TRIM47: variants seen among roughly 807,000 people sequenced by gnomAD.
The protein encoded by TRIM47 is E3 ubiquitin-protein ligase TRIM47.
A neutral mutation model predicts 54.4 loss-of-function variants in TRIM47; 46 were observed. The ratio of observed to expected loss-of-function variants is 0.84; its 90% CI spans 0.67 to 1.08. The LOEUF (loss-of-function observed/expected upper bound fraction) is 1.08, where lower values mean the gene tolerates loss of function less well. TRIM47 is among the 50% of genes least tolerant of loss of function. The pLI is 0.00. For synonymous variants in TRIM47, 392 were observed against 410.2 expected, an observed-to-expected ratio of 0.96 and a Z score of 0.54; for missense variants, 825 against 910.1, an observed-to-expected ratio of 0.91 and a Z score of 1.20.
In TRIM47 at chr17:75,875,107, A is replaced by G. The variant is rs1256515468; in HGVS notation, c.1293T>C (p.Asp431=). The G allele has an allele frequency of 1.3e-6, 2 of 1,599,030 alleles. No homozygotes were observed. Residue 431 remains aspartate (D), a synonymous_variant, in exon 6 of 6, where the codon GAT becomes GAC. Coordinates refer to ENST00000254816, the MANE Select transcript of TRIM47 (RefSeq NM_033452.3). This position sits in a 1 kb window ranked among gnomAD's most constrained non-coding sequence, Gnocchi z 6.1. The part of the protein sequence containing the change: ...DYFLKFAYIV[D]LDSDTADKFL... The stretch of plus-strand genomic sequence containing the variant: ...ACTTGTCTGCTGTGTCGCTGTCCAA[A>G]TCCACAATATAGGCAACTGATCCCG...
At position 75,876,090 on chromosome 17, in the gene TRIM47, C is replaced by G. The variant is rs752319450; in HGVS notation, c.1012G>C (p.Ala338Pro). 6.2e-7 allele frequency: 1 copy of G among 1,600,744 alleles called. No homozygotes were observed. The highest frequency in any genetic ancestry group is 2.2e-5 in the East Asian group (1 of 44,870). The stretch of plus-strand genomic sequence containing the variant: ...CCATCCTCCAGGGCCAGCCTTAGTG[C>G]CAGCAGCTCCTGTGCCAGACAAATG... ...DSVSFLQELL[A>P]LRLALEDGCG... Residue 338 changes from alanine (A) to proline (P), a missense_variant, in exon 4 of 6, where the codon GCA (alanine) becomes CCA (proline). Transcript: ENST00000254816.
intron 1 of TRIM47, 23 bp from the exon 2 acceptor site, chr17:75,876,836 G>A (rs753167096): frequency 2.5e-6 from 4 of 1,611,658 alleles, no homozygotes; most frequent in Non-Finnish European, 2.5e-6. Flanking sequence ...CCCTCCATGA[G>A]TGTGAGGTCT....
chr17:75,876,404 C>A lies in TRIM47; in HGVS notation c.860G>T (p.Gly287Val). 1 of 1,612,260 alleles carries A rather than the reference C, an allele frequency of 6.2e-7. No individual in the cohort carries two copies. Among genetic ancestry groups the A allele is most frequent in the Non-Finnish European group, 8.5e-7 (1 of 1,180,002 alleles). Residue 287 changes from glycine (G) to valine (V), a missense_variant, in exon 3 of 6, where the codon GGC becomes GTC. By Grantham distance (109) the Gly-to-Val change is moderately radical. Transcript: ENST00000254816. ...ALQGFQTQVLGFIEEGEAAML... is the reference protein window; with the variant it reads ...ALQGFQTQVLVFIEEGEAAML... Reference sequence around the variant, plus strand: ...GGCAGCTTCCCCCTCCTCGATGAAGCCCAGCACCTGGGTCTGGAAGCCCTG... The same window carrying A: ...GGCAGCTTCCCCCTCCTCGATGAAGACCAGCACCTGGGTCTGGAAGCCCTG...
At position 75,875,058 on chromosome 17, in the gene TRIM47, CT is replaced by C. The variant is rs1567834544; in HGVS notation, c.1341del (p.Gly448ValfsTer122). 8.7e-6 allele frequency: 14 copies of C among 1,611,814 alleles called. No homozygotes were observed. Among genetic ancestry groups the C allele is most frequent in the Non-Finnish European group, 1.2e-5 (14 of 1,178,126 alleles). On this transcript the variant is annotated frameshift_variant, in exon 6 of 6. Transcript: ENST00000254816. LOFTEE classifies it high-confidence loss of function. The surrounding 1 kb of genome is among the most constrained non-coding windows in gnomAD (Gnocchi z 6.1). ...ATAGGACACAGCACCCTCTTGACAC[CT>C]TTGGTTCCAAACAGCTGCAGGAACT... ...ADKFLQLFGT[K>X]GVKRVLCPIN...
chr17:75,874,759 C>G lies in TRIM47; in HGVS notation c.1641G>C (p.Thr547=). Residue 547 remains threonine, a synonymous_variant, in exon 6 of 6, where the codon ACG becomes ACC. Transcript: ENST00000254816. The surrounding 1 kb of genome is among the most constrained non-coding windows in gnomAD (Gnocchi z 6.2). ...EAPLPHPFSP[T]VGVCLEYADR... is the part of the protein sequence containing the mutation. ...CAGCGTATTCCAGGCAGACCCCAAC[C>G]GTGGGCGAGAAGGGGTGGGGCAGGG... The G allele has an allele frequency of 6.2e-7, 1 of 1,614,014 alleles. No individual in the cohort carries two copies. The highest frequency in any genetic ancestry group is 1.1e-5 in the South Asian group (1 of 91,086).
chr17:75,875,213 A>G lies in TRIM47; in HGVS notation c.1277-90T>C. ...CCAAGTACCCACCCCCCCAAAACAC[A>G]GCCTCTCCCCTGCTTTCCAACCGGC... is the stretch of plus-strand genomic sequence containing the variant. On this transcript the variant is annotated intron_variant, in intron 5 of 5. Coordinates refer to ENST00000254816, the MANE Select transcript of TRIM47 (RefSeq NM_033452.3). The surrounding 1 kb of genome is among the most constrained non-coding windows in gnomAD (Gnocchi z 6.1). 2.3e-5 allele frequency: 31 copies of G among 1,328,526 alleles called. No homozygotes were observed. Among genetic ancestry groups the G allele is most frequent in the Non-Finnish European group, 3.1e-5 (31 of 1,008,258 alleles). 82.3% of individuals were successfully genotyped at this position (1,328,526 alleles called of 1,614,324 possible). A position where few individuals can be genotyped will look rare whatever the true frequency, so the allele number is the denominator to read the frequency against.
chr17:75,876,501 G>C lies in TRIM47; in HGVS notation c.772-9C>G, dbSNP rs2065135987. 6.3e-7 allele frequency: 1 copy of C among 1,588,810 alleles called. No individual in the cohort carries two copies. On this transcript the variant is annotated splice_polypyrimidine_tract_variant and intron_variant, in intron 2 of 5. Coordinates refer to ENST00000254816, the MANE Select transcript of TRIM47 (RefSeq NM_033452.3). ...TCTGCTACGGCTGCACTCTGCACAG[G>C]ACGACAGTAGAGGGGGCAATGAGGG...
Position 75,876,698 on chromosome 17 carries a change from C to G in TRIM47, c.771+20G>C. On this transcript the variant is annotated intron_variant, in intron 2 of 5. Transcript: ENST00000254816. ...TTTGTTTGGAGTGGATTGTTCCATG[C>G]TGAGGGAGGGGTGTTTGACCTTGAT... 6.2e-7 allele frequency: 1 copy of G among 1,613,508 alleles called. No homozygotes were observed. The highest frequency in any genetic ancestry group is 8.5e-7 in the Non-Finnish European group (1 of 1,179,490).
rs187334937 is a variant in TRIM47 at position 75,874,466 on chromosome 17, A to T, written c.*17T>A. On this transcript the variant is annotated 3_prime_UTR_variant, in exon 6 of 6. Transcript: ENST00000254816. This position sits in a 1 kb window ranked among gnomAD's most constrained non-coding sequence, Gnocchi z 6.2. ...TTCCTGGAGCAGAGACGGCAGCAGG[A>T]GCGCCCGTGCCCGGCATCACCTCCT... 2 of 1,488,572 alleles carry T rather than the reference A, an allele frequency of 1.3e-6. No individual in the cohort carries two copies. Among genetic ancestry groups the T allele is most frequent in the African/African-American group, 2.8e-5 (2 of 71,264 alleles). The allele number at this position is 1,488,572 out of a possible 1,614,324, so 92.2% of individuals were successfully genotyped here.
chr17:75,878,179 C>T lies in TRIM47; in HGVS notation c.370G>A (p.Glu124Lys). 1 of 1,229,226 alleles carries T rather than the reference C, an allele frequency of 8.1e-7. No homozygotes were observed. Among genetic ancestry groups the T allele is most frequent in the Non-Finnish European group, 1.0e-6 (1 of 986,664 alleles). 76.1% of individuals were successfully genotyped at this position (1,229,226 alleles called of 1,614,324 possible). ...CACGCGTCGCAGCGCACTGGCTCTTCGCCCGCGGGCCACGGCTCGGGAGCG... is the reference window on the plus strand; with the variant it reads ...CACGCGTCGCAGCGCACTGGCTCTTTGCCCGCGGGCCACGGCTCGGGAGCG... The part of the protein sequence containing the change: ...PCAPEPWPAG[E>K]EPVRCDACPE... The change falls in exon 1 of 6, where the codon GAA becomes AAA. Residue 124 changes from glutamate to lysine, a missense_variant. Physicochemically the swap from Glu to Lys is moderately conservative, Grantham distance 56 (BLOSUM62 1). Coordinates refer to ENST00000254816, the MANE Select transcript of TRIM47 (RefSeq NM_033452.3).
chr17:75,877,769 G>A (rs1368283404), intron 1 of TRIM47, 105 bp downstream of exon 1: 1 of 1,261,806 alleles, frequency 7.9e-7, no homozygotes, highest in African/African-American at 1.6e-5. Flanking sequence ...TAGAGGAGGA[G>A]ATTAAGACCC....
chr17:75,878,541 C>A lies in TRIM47; in HGVS notation c.8G>T (p.Gly3Val). ...GATGGGGCAGCTGAAGGGTCCACTGCCGTCCATGACTCCGCGGCCGCCCAG... is the reference window on the plus strand; with the variant it reads ...GATGGGGCAGCTGAAGGGTCCACTGACGTCCATGACTCCGCGGCCGCCCAG... MD[G>V]SGPFSCPICL... Residue 3 changes from glycine to valine, a missense_variant, in exon 1 of 6, where the codon GGC (glycine) becomes GTC (valine). By Grantham distance (109) the Gly-to-Val change is moderately radical (BLOSUM62 -3). Transcript: ENST00000254816. 7.8e-7 allele frequency: 1 copy of A among 1,287,304 alleles called. No homozygotes were observed. Among genetic ancestry groups the A allele is most frequent in the Admixed American group, 3.6e-5 (1 of 27,870 alleles). The allele number at this position is 1,287,304 out of a possible 1,614,324, so 79.7% of individuals were successfully genotyped here.
At position 75,878,462 on chromosome 17, in the gene TRIM47, A is replaced by G. The variant is rs1386523842; in HGVS notation, c.87T>C (p.Cys29=). 4.2e-6 allele frequency: 6 copies of G among 1,425,536 alleles called. No individual in the cohort carries two copies. Among genetic ancestry groups the G allele is most frequent in the Non-Finnish European group, 5.6e-6 (6 of 1,078,420 alleles). 88.3% of individuals were successfully genotyped at this position (1,425,536 alleles called of 1,614,324 possible). A position where few individuals can be genotyped will look rare whatever the true frequency, so the allele number is the denominator to read the frequency against. Residue 29 remains cysteine (C), a synonymous_variant, in exon 1 of 6, where the codon TGT becomes TGC. Coordinates refer to ENST00000254816, the MANE Select transcript of TRIM47 (RefSeq NM_033452.3). The stretch of plus-strand genomic sequence containing the variant: ...GCCAGAGCGCGCCCAGGCAGGCGAG[A>G]CAGAAGTTGTGGCCGCAGGGCAGCG... ...PVTLPCGHNF[C]LACLGALWPH... is the part of the protein sequence containing the mutation.
At chr17:75,876,126 T>G in intron 3 of TRIM47, 27 bp from the exon 4 acceptor site, 1 of 1,595,204 alleles carries the variant, frequency 6.3e-7, no homozygotes, top group Non-Finnish European at 8.5e-7. Context: ...CCCATTAAAG[T>G]GCTGCTGGCC....
Position 75,874,675 on chromosome 17 carries a change from C to T in TRIM47, c.1725G>A (p.Leu575=). ...RDGKMSLLRR[L]KASRPRRGGI... The stretch of plus-strand genomic sequence containing the variant: ...CACCCCGGCGGGGCCGGGAGGCCTT[C>T]AGCCTCCGCAGGAGGCTCATCTTGC... Residue 575 remains leucine (L), a synonymous_variant, in exon 6 of 6, where the codon CTG becomes CTA. Coordinates refer to ENST00000254816, the MANE Select transcript of TRIM47 (RefSeq NM_033452.3). The surrounding 1 kb of genome is among the most constrained non-coding windows in gnomAD (Gnocchi z 6.2). 5 of 1,602,818 alleles carry T rather than the reference C, an allele frequency of 3.1e-6. No individual in the cohort carries two copies. Among genetic ancestry groups the T allele is most frequent in the Admixed American group, 1.7e-5 (1 of 58,850 alleles).
Position 75,875,341 on chromosome 17 carries a change from C to T in TRIM47, c.1276+59G>A. The T allele has an allele frequency of 6.4e-7, 1 of 1,559,316 alleles. No individual in the cohort carries two copies. Among genetic ancestry groups the T allele is most frequent in the Non-Finnish European group, 8.8e-7 (1 of 1,130,806 alleles). ...TTGTGTGCCAGGGCCCTGCTGGGAC[C>T]AGCCCAGCAGCCCTGGGAGGGCCCA... On this transcript the variant is annotated intron_variant, in intron 5 of 5. Transcript: ENST00000254816. The surrounding 1 kb of genome is among the most constrained non-coding windows in gnomAD (Gnocchi z 6.1).
At position 75,874,938 on chromosome 17, in the gene TRIM47, T is replaced by G; in HGVS notation, c.1462A>C (p.Ile488Leu). Residue 488 changes from isoleucine (I) to leucine (L), a missense_variant, in exon 6 of 6, where the codon ATT becomes CTT. Coordinates refer to ENST00000254816, the MANE Select transcript of TRIM47 (RefSeq NM_033452.3). This position sits in a 1 kb window ranked among gnomAD's most constrained non-coding sequence, Gnocchi z 6.2. ...CCCATGCTGACCCAGCCCTCGATAATCTCCACCTCCCAGTAGTAGGTGCCT... is the reference window on the plus strand; with the variant it reads ...CCCATGCTGACCCAGCCCTCGATAAGCTCCACCTCCCAGTAGTAGGTGCCT... ...DRGTYYWEVE[I>L]IEGWVSMGVM... The G allele has an allele frequency of 6.2e-7, 1 of 1,613,830 alleles. No homozygotes were observed.
Position 75,876,769 on chromosome 17 carries a change from G to C in TRIM47, c.720C>G (p.Asp240Glu). 4 of 1,614,180 alleles carry C rather than the reference G, an allele frequency of 2.5e-6. No homozygotes were observed. The highest frequency in any genetic ancestry group is 3.4e-6 in the Non-Finnish European group (4 of 1,180,024). The change falls in exon 2 of 6, where the codon GAC becomes GAG. Residue 240 changes from aspartate (D) to glutamate (E), a missense_variant. Physicochemically the swap from Asp to Glu is conservative, Grantham distance 45 (BLOSUM62 2). Coordinates refer to ENST00000254816, the MANE Select transcript of TRIM47 (RefSeq NM_033452.3). ...ACTGTGCAATGCCAGCACCCAGCTC[G>C]TCCATGCGGTCCTCCACGGCGCTCA... The part of the protein sequence containing the change: ...KVLSAVEDRM[D>E]ELGAGIAQSR...
In TRIM47 at chr17:75,874,371, G is replaced by T; in HGVS notation, c.*112C>A. On this transcript the variant is annotated 3_prime_UTR_variant, in exon 6 of 6. Transcript: ENST00000254816. This position sits in a 1 kb window ranked among gnomAD's most constrained non-coding sequence, Gnocchi z 6.2. ...TAAAAAGGTGGAAGCCTCTAGAAAT[G>T]AGAAGGCTGGGTGTGTGGGACTCAT... 9.6e-7 allele frequency: 1 copy of T among 1,038,534 alleles called. No homozygotes were observed. The highest frequency in any genetic ancestry group is 1.3e-6 in the Non-Finnish European group (1 of 744,554). The allele number at this position is 1,038,534 out of a possible 1,614,324, so 64.3% of individuals were successfully genotyped here.
Sources: gnomAD v4.1 joint callset for allele counts on GRCh38, gnomAD v4.1.1 for gene constraint, Gnocchi (gnomAD v3.1) non-coding constraint, MANE v1.5 for transcripts, NCBI Gene and HGNC (gene_info 2026-07-23, HGNC 2026-07-21) for gene names.